LOXL2: variants seen among roughly 807,000 people sequenced by gnomAD.
LOXL2 encodes the protein lysyl oxidase homolog 2.
A neutral mutation model predicts 93.0 loss-of-function variants in LOXL2; 70 were observed. The ratio of observed to expected loss-of-function variants is 0.75; its 90% confidence interval spans 0.62 to 0.92. The LOEUF (loss-of-function observed/expected upper bound fraction) is 0.92. Among genes scored for constraint, LOXL2 ranks in the 40% least tolerant of loss-of-function variants. LOXL2 has a pLI of 0.00. For synonymous variants in LOXL2, 438 were observed against 413.2 expected (o/e 1.06, Z -0.73); for missense variants, 973 against 1,054.9 (o/e 0.92, Z 1.08).
At chr8:23,360,382 G>T in intron 2 of LOXL2, 117 bp from the exon 3 acceptor site, 1 of 678,232 alleles carries the variant, frequency 1.5e-6, no homozygotes, top group Non-Finnish European at 2.4e-6. Flanking sequence ...GCAGCTGTGT[G>T]TGGCCATCCA....
At chr8:23,353,477 T>A (rs1563199740) in intron 3 of LOXL2, among the ~76,000 whole-genome samples, 1 of 152,126 alleles carries the variant, frequency 6.6e-6, no homozygotes, top group African/African-American at 2.4e-5. Context: ...CCAAGAAGGG[T>A]CAGTGACTGG....
At chr8:23,336,750 C>CCA (rs1257654127) in intron 4 of LOXL2, 1 of 152,216 alleles carries the variant, frequency 6.6e-6, no homozygotes, top group African/African-American at 2.4e-5. Context: ...CCATAAGCCC[C>CCA]CACTTTGATG....
chr8:23,403,497 T>C (rs1253328129), intron 1 of LOXL2, among the ~76,000 whole-genome samples: 1 of 151,874 alleles, frequency 6.6e-6, no homozygotes, highest in Non-Finnish European at 1.5e-5. Flanking sequence ...CAGCACGCTC[T>C]ACATCCCCAA....
At chr8:23,393,042 G>A (rs1800032958) in intron 1 of LOXL2, among the ~76,000 whole-genome samples, 1 of 152,098 alleles carries the variant, frequency 6.6e-6, no homozygotes, top group South Asian at 2.1e-4. Flanking sequence ...ACAAAACATT[G>A]TTAAAAGAAA....
chr8:23,341,148 CG>C lies in LOXL2; in HGVS notation c.586del (p.Arg196AlafsTer6), dbSNP rs757872103. ...GCCCTCCATCACTGGGGTGCGCTTG[CG>C]GTAGGTTGAGAGGATGGCTCGAATC... ...IRIRAILSTY[R>X]KRTPVMEGYV... On this transcript the variant is annotated frameshift_variant, in exon 4 of 14. Transcript: ENST00000389131. LOFTEE classifies it high-confidence loss of function. The C allele has an allele frequency of 6.2e-7, 1 of 1,613,844 alleles. No homozygotes were observed. The highest frequency in any genetic ancestry group is 1.1e-5 in the South Asian group (1 of 91,066).
intron 1 of LOXL2, among the ~76,000 whole-genome samples, chr8:23,373,605 C>T (rs988987193): frequency 2.0e-5 from 3 of 152,224 alleles, no homozygotes; most frequent in Non-Finnish European, 4.4e-5. Context: ...TGGCAAGCAG[C>T]TAACATTAAT....
At chr8:23,340,691 G>A (rs1803867894) in intron 4 of LOXL2, among the ~76,000 whole-genome samples, 1 of 152,178 alleles carries the variant, frequency 6.6e-6, no homozygotes, top group Admixed American at 6.5e-5. Context: ...CCTGAGCTGG[G>A]GTTCTCTGGG....
At chr8:23,332,973 A>G (rs1200059556) in intron 5 of LOXL2, among the ~76,000 whole-genome samples, 2 of 151,610 alleles carry the variant, frequency 1.3e-5, no homozygotes, top group Non-Finnish European at 2.9e-5. Flanking sequence ...GACTTAGGAT[A>G]ATGGCAGGTT....
intron 10 of LOXL2, 125 bp from the exon 11 acceptor site, chr8:23,303,522 G>C (rs1803176298): frequency 1.5e-6 from 1 of 646,352 alleles, no homozygotes; most frequent in Admixed American, 2.3e-5. Context: ...CGGGTGGGGA[G>C]AGGAGTGGAT....
intron 10 of LOXL2, among the ~76,000 whole-genome samples, chr8:23,307,953 G>GGAAGAAAAAAAAAAAAA (rs58347035): frequency 1.2e-5 from 1 of 83,522 alleles, no homozygotes; most frequent in African/African-American, 4.7e-5. Context: ...GCTGCGATAT[G>GGAAGAAAAAAAAAAAAA]AAAAAAAAAA....
intron 1 of LOXL2, among the ~76,000 whole-genome samples, chr8:23,392,096 G>A (rs1430207939): frequency 1.3e-5 from 2 of 152,178 alleles, no homozygotes; most frequent in African/African-American, 4.8e-5. Flanking sequence ...TGCAACCTGG[G>A]CTAATAATCA....
rs377259064 is a variant in LOXL2, at chr8:23,377,841, G to A, written c.-83-9407C>T. Among the ~76,000 whole-genome samples, 214 of 152,140 alleles carry A rather than the reference G, an allele frequency of 1.4e-3. 2 individuals are homozygous for A. The East Asian group carries it at 0.019, about 13-fold the overall frequency. On this transcript the variant is annotated intron_variant, in intron 1 of 13. Coordinates refer to ENST00000389131, the MANE Select transcript of LOXL2 (RefSeq NM_002318.3). ...TGTGAGCCTATGTGTGTCTCTGCAC[G>A]TGAGATGGGTCTCCTGAATACAGCA...
At chr8:23,312,080 C>T (rs545882443) in intron 9 of LOXL2, among the ~76,000 whole-genome samples, 52 of 152,270 alleles carry the variant, frequency 3.4e-4, no homozygotes, top group South Asian at 1.2e-3. Flanking sequence ...ACACATACAC[C>T]GTCCCAAGAC....
intron 7 of LOXL2, among the ~76,000 whole-genome samples, chr8:23,321,019 C>A (rs1031756231): frequency 6.6e-6 from 1 of 152,150 alleles, no homozygotes; most frequent in South Asian, 2.1e-4. Flanking sequence ...CAATTCTTGA[C>A]ATCTCCCACT....
intron 1 of LOXL2, among the ~76,000 whole-genome samples, chr8:23,375,481 A>G (rs1804572614): frequency 1.3e-5 from 2 of 152,158 alleles, no homozygotes; most frequent in Non-Finnish European, 2.9e-5. Flanking sequence ...AATTCTGTGA[A>G]GAAAGTCATT....
chr8:23,313,983 G>A (rs1208532881), intron 9 of LOXL2, among the ~76,000 whole-genome samples: 1 of 113,246 alleles, frequency 8.8e-6, no homozygotes, highest in Middle Eastern at 4.3e-3. Flanking sequence ...GTGGGCGAAG[G>A]ATATGAACAG....
chr8:23,306,706 C>G (rs1041648174), intron 10 of LOXL2, among the ~76,000 whole-genome samples: 1 of 152,288 alleles, frequency 6.6e-6, no homozygotes, highest in Non-Finnish European at 1.5e-5. Context: ...CCCACACGCC[C>G]TGCTTCTCCA....
chr8:23,344,386 G>A (rs1395911935), intron 3 of LOXL2, among the ~76,000 whole-genome samples: 9 of 151,854 alleles, frequency 5.9e-5, no homozygotes, highest in Non-Finnish European at 1.3e-4. Flanking sequence ...GATGGTCTGT[G>A]TGTGTGTGGT....
chr8:23,305,273 C>T (rs1331289038), intron 10 of LOXL2, among the ~76,000 whole-genome samples: 1 of 152,204 alleles, frequency 6.6e-6, no homozygotes, highest in Non-Finnish European at 1.5e-5. Flanking sequence ...CAGACAGACT[C>T]TTGTAAGGAT....
Sources: allele counts gnomAD v4.1 joint callset (sites outside exome capture counted in the v4.1 genomes callset), GRCh38; gene constraint gnomAD v4.1.1; transcripts MANE v1.5; gene names NCBI Gene and HGNC (gene_info 2026-07-23, HGNC 2026-07-21).